FER: variants seen among roughly 807,000 people sequenced by gnomAD.
FER encodes the protein FER tyrosine kinase.
In FER, 63 loss-of-function variants were observed where a neutral mutation model predicts 111.0. That is an observed-to-expected ratio of 0.57 (90% CI 0.46 to 0.70). The LOEUF (loss-of-function observed/expected upper bound fraction) is 0.70, where lower values mean the gene tolerates loss of function less well. Ranked by LOEUF, FER falls within the 30% of genes least tolerant of loss-of-function variation. The pLI is 0.00. For synonymous variants in FER, 327 were observed against 313.9 expected (o/e 1.04, Z -0.44); for missense variants, 914 against 954.0 (o/e 0.96, Z 0.55).
At chr5:108,853,434 C>T (rs1266937547) in intron 5 of FER, among the ~76,000 whole-genome samples, 1 of 151,836 alleles carries the variant, frequency 6.6e-6, no homozygotes, top group East Asian at 1.9e-4. Flanking sequence ...GTGATAAATA[C>T]CATGGAGAAA....
At chr5:109,111,876 G>A (rs750199543) in intron 17 of FER, among the ~76,000 whole-genome samples, 1 of 152,120 alleles carries the variant, frequency 6.6e-6, no homozygotes, top group Non-Finnish European at 1.5e-5. Flanking sequence ...TGAGATTAGG[G>A]TGGGGAAACA....
chr5:108,802,601 A>G (rs961989883), intron 3 of FER, among the ~76,000 whole-genome samples: 2 of 151,922 alleles, frequency 1.3e-5, no homozygotes, highest in Non-Finnish European at 2.9e-5. Flanking sequence ...AAGTGAGAAC[A>G]TGGAGTATTT....
Position 109,044,699 on chromosome 5 carries a change from A to T in FER, c.1733A>T (p.Tyr578Phe). 6.3e-7 allele frequency: 1 copy of T among 1,578,214 alleles called. No homozygotes were observed. Among genetic ancestry groups the T allele is most frequent in the Non-Finnish European group, 8.6e-7 (1 of 1,162,198 alleles). ...TTTCAGGGAAATTTTGGTGAAGTATATAAGGGCACATTAAAGGATAAAACT... is the reference window on the plus strand; with the variant it reads ...TTTCAGGGAAATTTTGGTGAAGTATTTAAGGGCACATTAAAGGATAAAACT... ...LLGKGNFGEV[Y>F]KGTLKDKTSV... The change falls in exon 15 of 20, where the codon TAT becomes TTT. Residue 578 changes from tyrosine (Y) to phenylalanine (F), a missense_variant. Tyr to Phe is a conservative substitution (Grantham distance 22). Around this residue, in one of 3 missense-constraint regions of FER, gnomAD observed 774 missense variants for 782.6 expected, o/e 0.99. Transcript: ENST00000281092.
intron 16 of FER, among the ~76,000 whole-genome samples, chr5:109,061,234 C>T (rs1453675662): frequency 6.6e-6 from 1 of 152,000 alleles, no homozygotes; most frequent in African/African-American, 2.4e-5. Flanking sequence ...AATTTGAAAC[C>T]TCTGATAAAC....
At chr5:108,929,259 T>C (rs536844044) in intron 10 of FER, among the ~76,000 whole-genome samples, 12 of 152,168 alleles carry the variant, frequency 7.9e-5, no homozygotes, top group South Asian at 6.2e-4. Flanking sequence ...AAAGTCTCTC[T>C]TTGCCAATCA....
At chr5:109,177,280 C>T (rs752259360) in intron 17 of FER, among the ~76,000 whole-genome samples, 2 of 152,102 alleles carry the variant, frequency 1.3e-5, no homozygotes, top group Non-Finnish European at 2.9e-5. Flanking sequence ...TTAATCCTCA[C>T]TCCCTGGGTT....
chr5:108,759,615 G>A (rs1328820711), intron 1 of FER, among the ~76,000 whole-genome samples: 1 of 152,216 alleles, frequency 6.6e-6, no homozygotes, highest in Non-Finnish European at 1.5e-5. Context: ...AAATTTCAAA[G>A]TCAAGGTGTA....
intron 1 of FER, among the ~76,000 whole-genome samples, chr5:108,757,211 G>A (rs1055201067): frequency 4.5e-4 from 69 of 152,262 alleles, no homozygotes; most frequent in African/African-American, 1.6e-3. Flanking sequence ...GGTCTATGTT[G>A]AAATATTTGC....
intron 1 of FER, among the ~76,000 whole-genome samples, chr5:108,755,155 G>A (rs1750941838): frequency 6.6e-6 from 1 of 152,190 alleles, no homozygotes. Context: ...AGACAACTTT[G>A]CATTACATTA....
At chr5:108,791,196 A>G (rs546711384) in intron 2 of FER, among the ~76,000 whole-genome samples, 20 of 152,262 alleles carry the variant, frequency 1.3e-4, no homozygotes, top group African/African-American at 4.8e-4. Context: ...TGCTAACTCT[A>G]TGTTTTACGT....
chr5:109,190,272 T>C lies in FER; in HGVS notation c.*2697T>C, dbSNP rs533287177. The C allele has an allele frequency of 1.3e-5, 2 of 152,110 alleles. No individual in the cohort carries two copies. Among genetic ancestry groups the C allele is most frequent in the African/African-American group, 4.8e-5 (2 of 41,424 alleles). The allele number at this position is 152,110 out of a possible 1,614,324, so 9.4% of individuals were successfully genotyped here. On this transcript the variant is annotated 3_prime_UTR_variant, in exon 20 of 20. Coordinates refer to ENST00000281092, the MANE Select transcript of FER (RefSeq NM_005246.4). ...AATGTACAAAATCCTGTGATTTGTT[T>C]AGTAAGAAAAGAGTTGTAACCAAAA...
intron 9 of FER, among the ~76,000 whole-genome samples, chr5:108,892,813 A>T (rs1256346020): frequency 6.6e-6 from 1 of 152,174 alleles, no homozygotes; most frequent in Non-Finnish European, 1.5e-5. Flanking sequence ...CTAACGTTTA[A>T]GTCTTTAATC....
intron 2 of FER, among the ~76,000 whole-genome samples, chr5:108,775,673 CA>C (rs1435124026): frequency 6.6e-6 from 1 of 152,070 alleles, no homozygotes; most frequent in Admixed American, 6.6e-5. Context: ...GGTGCTGTTT[CA>C]CTTGCATGTA....
chr5:108,765,935 T>G (rs1047593840), intron 1 of FER, among the ~76,000 whole-genome samples: 1 of 151,328 alleles, frequency 6.6e-6, no homozygotes, highest in African/African-American at 2.4e-5. Context: ...TGACTGAATT[T>G]TTTTTTTTTT....
chr5:109,072,999 T>G (rs1775941057), intron 16 of FER, among the ~76,000 whole-genome samples: 1 of 152,124 alleles, frequency 6.6e-6, no homozygotes, highest in Non-Finnish European at 1.5e-5. Flanking sequence ...TATTCAAATC[T>G]CTGTTTTCTT....
At chr5:109,041,192 C>T (rs1771132813) in intron 14 of FER, among the ~76,000 whole-genome samples, 1 of 152,068 alleles carries the variant, frequency 6.6e-6, no homozygotes, top group African/African-American at 2.4e-5. Context: ...GGTTTTTCTC[C>T]AGCCATATTA....
intron 17 of FER, among the ~76,000 whole-genome samples, chr5:109,173,847 G>A (rs1490899731): frequency 1.3e-5 from 2 of 151,658 alleles, no homozygotes; most frequent in African/African-American, 4.9e-5. Flanking sequence ...CAGGTAGCAG[G>A]AGAGATCCTT....
At chr5:108,783,437 A>T (rs1236869809) in intron 2 of FER, among the ~76,000 whole-genome samples, 1 of 152,106 alleles carries the variant, frequency 6.6e-6, no homozygotes, top group Non-Finnish European at 1.5e-5. Context: ...TCAACATCTG[A>T]TTCATCTAGG....
At chr5:109,087,393 G>A (rs1561877813) in intron 16 of FER, among the ~76,000 whole-genome samples, 1 of 151,752 alleles carries the variant, frequency 6.6e-6, no homozygotes, top group Non-Finnish European at 1.5e-5. Flanking sequence ...TATTGAGTTG[G>A]TTGATAACAT....
Sources: allele counts gnomAD v4.1 joint callset (sites outside exome capture counted in the v4.1 genomes callset), GRCh38; gene constraint gnomAD v4.1.1; regional missense constraint gnomAD v4.1.1; transcripts MANE v1.5; gene names NCBI Gene and HGNC (gene_info 2026-07-23, HGNC 2026-07-21).